Variants in CTNNA2 observed in about 807,000 individuals in gnomAD.
The protein encoded by CTNNA2 is catenin alpha 2.
CTNNA2 carries 42 observed loss-of-function variants against 101.0 expected under a neutral mutation model. That is an observed-to-expected ratio of 0.42 (90% CI 0.32 to 0.54). CTNNA2 has a LOEUF of 0.54. Among genes scored for constraint, CTNNA2 ranks in the 20% least tolerant of loss-of-function variants. CTNNA2 has a pLI of 0.14. For missense variants in CTNNA2, 871 were observed against 1,223.1 expected (o/e 0.71, Z 4.29); for synonymous variants, 450 against 456.4 (o/e 0.99, Z 0.18).
intron 2 of CTNNA2, among the ~76,000 whole-genome samples, chr2:79,275,153 A>G (rs1573013636): frequency 6.6e-6 from 1 of 152,098 alleles, no homozygotes; most frequent in Non-Finnish European, 1.5e-5. Context: ...CTGAAAGCAT[A>G]AGCACAGAAG....
intron 9 of CTNNA2, among the ~76,000 whole-genome samples, chr2:80,476,721 T>C (rs1428676179): frequency 6.6e-6 from 1 of 152,124 alleles, no homozygotes; most frequent in Non-Finnish European, 1.5e-5. Context: ...CTTTCTGGCC[T>C]CAGACATAAG....
chr2:80,282,057 A>G (rs1674425080), intron 7 of CTNNA2, among the ~76,000 whole-genome samples: 1 of 151,998 alleles, frequency 6.6e-6, no homozygotes, highest in Non-Finnish European at 1.5e-5. Flanking sequence ...ACTGTTTCTT[A>G]TGAAGTGATC....
At chr2:79,438,212 CA>C (rs1678738015) in intron 4 of CTNNA2, among the ~76,000 whole-genome samples, 1 of 152,112 alleles carries the variant, frequency 6.6e-6, no homozygotes, top group South Asian at 2.1e-4. Flanking sequence ...GGAATTACCC[CA>C]AAGCTCTAGA....
intron 1 of CTNNA2, among the ~76,000 whole-genome samples, chr2:79,641,789 C>T (rs1680465236): frequency 6.6e-6 from 1 of 152,146 alleles, no homozygotes. Flanking sequence ...ATGAATTTGA[C>T]AGATACTAAA....
chr2:79,532,852 A>G (rs544293822), intron 1 of CTNNA2, among the ~76,000 whole-genome samples: 4 of 152,128 alleles, frequency 2.6e-5, no homozygotes, highest in Non-Finnish European at 4.4e-5. Flanking sequence ...TTCTCTGGCT[A>G]CCTAATTAAC....
At chr2:79,814,829 T>C (rs1677353608) in intron 3 of CTNNA2, among the ~76,000 whole-genome samples, 2 of 152,208 alleles carry the variant, frequency 1.3e-5, no homozygotes, top group Non-Finnish European at 2.9e-5. Flanking sequence ...GTAGTACTTT[T>C]AGTTCTTTAA....
chr2:79,981,032 T>G (rs114393248), intron 7 of CTNNA2, among the ~76,000 whole-genome samples: 116 of 152,268 alleles, frequency 7.6e-4, no homozygotes, highest in African/African-American at 2.7e-3. Context: ...TTGATGCGGC[T>G]CATTTATCAG....
chr2:79,816,278 C>A (rs1677485484), intron 3 of CTNNA2, among the ~76,000 whole-genome samples: 1 of 152,140 alleles, frequency 6.6e-6, no homozygotes, highest in South Asian at 2.1e-4. Context: ...CTGGCTAAGA[C>A]TTCCAGCACT....
At chr2:79,358,262 C>A (rs1677552320) in intron 3 of CTNNA2, among the ~76,000 whole-genome samples, 1 of 151,322 alleles carries the variant, frequency 6.6e-6, no homozygotes. Flanking sequence ...TACAATGGCA[C>A]AATTTCAGCT....
intron 14 of CTNNA2, among the ~76,000 whole-genome samples, chr2:80,586,845 G>A (rs1696017428): frequency 6.6e-6 from 1 of 152,138 alleles, no homozygotes; most frequent in Non-Finnish European, 1.5e-5. Context: ...ATGTATCCAT[G>A]GAAGTCAGTA....
chr2:79,837,473 T>C (rs1222772065), intron 3 of CTNNA2, among the ~76,000 whole-genome samples: 1 of 152,204 alleles, frequency 6.6e-6, no homozygotes, highest in African/African-American at 2.4e-5. Flanking sequence ...ATCAATACTT[T>C]GTATCCTTCA....
intron 3 of CTNNA2, among the ~76,000 whole-genome samples, chr2:79,759,407 A>G (rs973317841): frequency 2.0e-5 from 3 of 150,524 alleles, no homozygotes; most frequent in Non-Finnish European, 4.4e-5. Context: ...TAATAATAAT[A>G]ATAAATAAAA....
At chr2:80,304,965 C>A in intron 7 of CTNNA2, 4 of 498,888 alleles carry the variant, frequency 8.0e-6, no homozygotes, top group East Asian at 1.6e-4. Context: ...GGGGTAGCAT[C>A]ATCCACGACA....
intron 1 of CTNNA2, among the ~76,000 whole-genome samples, chr2:79,527,136 A>G (rs1344681495): frequency 6.6e-6 from 1 of 152,164 alleles, no homozygotes; most frequent in Non-Finnish European, 1.5e-5. Flanking sequence ...AAATTTATAA[A>G]GAACCATATA....
chr2:79,554,106 T>C (rs556450675), intron 1 of CTNNA2, among the ~76,000 whole-genome samples: 6 of 152,192 alleles, frequency 3.9e-5, no homozygotes, highest in Non-Finnish European at 8.8e-5. Context: ...GACCTGTGAA[T>C]GTAAAGCTTT....
At chr2:80,502,832 C>T (rs532788511) in intron 9 of CTNNA2, among the ~76,000 whole-genome samples, 31 of 152,228 alleles carry the variant, frequency 2.0e-4, no homozygotes, top group Admixed American at 6.5e-4. Flanking sequence ...ACCTTCTTCC[C>T]GAGTCATTCA....
chr2:79,384,223 T>G lies in CTNNA2; in HGVS notation c.-135+10210T>G, dbSNP rs1342654408. Reference sequence around the variant, plus strand: ...CTTTAATTAAAAAGCCTTTCATCATTTCCAGCTTAAACATCTCTTTTCTCA... The same window carrying G: ...CTTTAATTAAAAAGCCTTTCATCATGTCCAGCTTAAACATCTCTTTTCTCA... On this transcript the variant is annotated intron_variant, in intron 4 of 21. Coordinates refer to the CTNNA2 transcript ENST00000466387. Among the ~76,000 whole-genome samples, 5 of 152,194 alleles carry G rather than the reference T, an allele frequency of 3.3e-5. 1 individual carries two copies. The East Asian group carries it at 9.6e-4, about 29-fold the overall frequency.
intron 7 of CTNNA2, among the ~76,000 whole-genome samples, chr2:80,326,248 C>A (rs1394363857): frequency 6.6e-6 from 1 of 152,144 alleles, no homozygotes; most frequent in Admixed American, 6.5e-5. Context: ...TCTACATTAT[C>A]CAAAAACTGC....
In CTNNA2 at chr2:79,753,946, G is replaced by A. The variant is rs140743011; in HGVS notation, c.298+9364G>A. 9.4e-4 allele frequency among the ~76,000 whole-genome samples: 135 copies of A among 143,540 alleles called. 2 individuals carry two copies. The East Asian group carries it at 0.024, about 25-fold the overall frequency. The allele number at this position is 143,540 out of a possible 152,430, so 94.2% of individuals were successfully genotyped here. A position where few individuals can be genotyped will look rare whatever the true frequency, so the allele number is the denominator to read the frequency against. ...TGCAGCGGCGTCATCTTGGCTCACT[G>A]CAACCTCCACCTCCTGAGTTCAAGC... On this transcript the variant is annotated intron_variant, in intron 3 of 18. Coordinates refer to ENST00000402739, the MANE Select transcript of CTNNA2 (RefSeq NM_001282597.3).
Sources: gnomAD v4.1 joint callset for allele counts (sites outside exome capture counted in the v4.1 genomes callset) on GRCh38, gnomAD v4.1.1 for gene constraint, MANE v1.5 for transcripts, NCBI Gene and HGNC (gene_info 2026-07-23, HGNC 2026-07-21) for gene names.